Variants in PHLDB2 observed in about 807,000 individuals in gnomAD.
The protein encoded by PHLDB2 is pleckstrin homology like domain family B member 2, also known as pleckstrin homology-like domain family B member 2.
A neutral mutation model predicts 123.6 loss-of-function variants in PHLDB2; 71 were observed. The observed-to-expected ratio is 0.57, with a 90% CI of 0.47 to 0.70. The LOEUF is 0.70. Ranked by LOEUF, PHLDB2 falls within the 30% of genes least tolerant of loss-of-function variation. The probability of loss-of-function intolerance (pLI) is 0.00; values close to 1 mark genes in which losing one functional copy is unlikely to be tolerated. For missense variants in PHLDB2, 1,446 were observed against 1,519.5 expected (o/e 0.95, Z 0.80); for synonymous variants, 547 against 541.6 (o/e 1.01, Z -0.14).
intron 5 of PHLDB2, among the ~76,000 whole-genome samples, chr3:111,930,039 G>A (rs1030869149): frequency 5.3e-5 from 8 of 150,546 alleles, no homozygotes; most frequent in African/African-American, 2.0e-4. Flanking sequence ...AGCCTCCCGA[G>A]TAGCTGGGAC....
intron 1 of PHLDB2, among the ~76,000 whole-genome samples, chr3:111,734,629 G>A (rs1478916357): frequency 6.6e-6 from 1 of 152,100 alleles, no homozygotes; most frequent in Non-Finnish European, 1.5e-5. Flanking sequence ...TCTTCAGATT[G>A]ACTAGATTAG....
chr3:111,949,068 G>C lies in PHLDB2; in HGVS notation c.2624G>C (p.Ser875Thr). The C allele has an allele frequency of 6.2e-7, 1 of 1,613,696 alleles. No homozygotes were observed. Among genetic ancestry groups the C allele is most frequent in the Non-Finnish European group, 8.5e-7 (1 of 1,179,938 alleles). The change falls in exon 10 of 18, where the codon AGT becomes ACT. Residue 875 changes from serine (S) to threonine (T), a missense_variant. By Grantham distance (58) the Ser-to-Thr change is moderately conservative (BLOSUM62 1). Transcript: ENST00000431670. ...ATAVLASQPQ[S>T]KEHFRSLEER... ...GCTGTGCTGGCGAGCCAGCCACAGAGTAAAGAGGTGTGTAGGCATGACGTT... is the reference window on the plus strand; with the variant it reads ...GCTGTGCTGGCGAGCCAGCCACAGACTAAAGAGGTGTGTAGGCATGACGTT...
At chr3:111,792,647 T>A (rs1490623944) in intron 1 of PHLDB2, among the ~76,000 whole-genome samples, 3 of 151,962 alleles carry the variant, frequency 2.0e-5, no homozygotes, top group African/African-American at 7.3e-5. Flanking sequence ...TTTGAAGCTT[T>A]AGTGAGCCCT....
intron 15 of PHLDB2, 88 bp downstream of exon 15, chr3:111,967,912 T>C (rs1158840995): frequency 8.3e-7 from 1 of 1,204,138 alleles, no homozygotes; most frequent in Non-Finnish European, 1.1e-6. Flanking sequence ...GAGGATGCTT[T>C]CCTGGGCACT....
At chr3:111,850,025 C>A (rs1434249847) in intron 2 of PHLDB2, among the ~76,000 whole-genome samples, 2 of 152,032 alleles carry the variant, frequency 1.3e-5, no homozygotes, top group East Asian at 1.9e-4. Flanking sequence ...CCACACCCAG[C>A]TAATTTTTTG....
chr3:111,899,302 G>A (rs9849340), intron 2 of PHLDB2, among the ~76,000 whole-genome samples: 1 of 152,050 alleles, frequency 6.6e-6, no homozygotes, highest in East Asian at 1.9e-4. Context: ...TGGGATACAT[G>A]TGTATAATGT....
At chr3:111,921,719 C>A (rs1210299482) in intron 5 of PHLDB2, among the ~76,000 whole-genome samples, 1 of 151,720 alleles carries the variant, frequency 6.6e-6, no homozygotes, top group Non-Finnish European at 1.5e-5. Context: ...TCTCCTGCCT[C>A]AGCCTCCCAA....
In PHLDB2 at chr3:111,974,485, C is replaced by T; in HGVS notation, c.3684C>T (p.Ala1228=). Residue 1228 remains alanine (A), a synonymous_variant, in exon 18 of 18, where the codon GCC becomes GCT. Transcript: ENST00000431670. The part of the protein sequence containing the change: ...KTHDRIYYMV[A]PSPEAMRIWM... ...ATGACAGAATCTATTATATGGTAGCCCCATCGCCAGAAGCCATGCGGATCT... is the reference window on the plus strand; with the variant it reads ...ATGACAGAATCTATTATATGGTAGCTCCATCGCCAGAAGCCATGCGGATCT... The T allele has an allele frequency of 2.5e-6, 4 of 1,613,562 alleles. No homozygotes were observed. In the East Asian group the frequency reaches 6.7e-5, roughly 27 times the overall value.
chr3:111,859,945 C>G, intron 1 of PHLDB2: 1 of 979,080 alleles, frequency 1.0e-6, no homozygotes, highest in African/African-American at 1.8e-5. Context: ...AAAGCCCGGG[C>G]TGGGGTCGGC....
chr3:111,948,852 A>G (rs1036726173), intron 9 of PHLDB2, 80 bp from the exon 10 acceptor site: 3 of 1,402,456 alleles, frequency 2.1e-6, no homozygotes, highest in African/African-American at 1.4e-5. Context: ...AGCTAACTTC[A>G]TTGTACTGGG....
intron 1 of PHLDB2, among the ~76,000 whole-genome samples, chr3:111,795,166 C>T (rs67286312): frequency 0.22 from 33,628 of 150,290 alleles, 4,029 homozygotes; most frequent in Non-Finnish European, 0.26. Context: ...GAAAGAAGTT[C>T]CTCAACCCTC....
chr3:111,938,412 T>C (rs1437760203), intron 6 of PHLDB2, among the ~76,000 whole-genome samples: 2 of 152,104 alleles, frequency 1.3e-5, no homozygotes, highest in African/African-American at 2.4e-5. Flanking sequence ...TGCTTATCCC[T>C]TTAATAAAAT....
intron 1 of PHLDB2, among the ~76,000 whole-genome samples, chr3:111,845,384 A>G (rs1163384402): frequency 2.3e-5 from 3 of 129,744 alleles, no homozygotes; most frequent in Non-Finnish European, 3.3e-5. Context: ...AAAAAAAAAA[A>G]ACTATGGGAT....
rs201986255 is a variant in PHLDB2 at position 111,885,018 on chromosome 3, A to G, written c.941A>G (p.Tyr314Cys). 7.4e-6 allele frequency: 12 copies of G among 1,614,200 alleles called. No individual in the cohort carries two copies. The highest frequency in any genetic ancestry group is 3.3e-5 in the South Asian group (3 of 91,090). Residue 314 changes from tyrosine to cysteine, a missense_variant, in exon 2 of 18, where the codon TAT becomes TGT. Transcript: ENST00000431670. ...TCTTTGAGCTCAGGGGCTTTACCCT[A>G]TAAAACCTCTGCTTCTGAAGGCAAT... ...FSSLSSGALP[Y>C]KTSASEGNPY... is the part of the protein sequence containing the mutation.
chr3:111,806,638 A>G (rs553723788), intron 1 of PHLDB2, among the ~76,000 whole-genome samples: 1 of 152,118 alleles, frequency 6.6e-6, no homozygotes, highest in East Asian at 1.9e-4. Flanking sequence ...GGCACGAGCC[A>G]GCACACCTGG....
Position 111,824,585 on chromosome 3 carries a change from G to C in PHLDB2, c.-48-21236G>C, listed in dbSNP as rs186387929. ...CAGGAAGCAAGTCTTTCCTACACCAGAAGTGGAAGTAAAAGCATGTAGCCC... is the reference window on the plus strand; with the variant it reads ...CAGGAAGCAAGTCTTTCCTACACCACAAGTGGAAGTAAAAGCATGTAGCCC... On this transcript the variant is annotated intron_variant, in intron 1 of 17. Transcript: ENST00000393923. Among the ~76,000 whole-genome samples, 14 of 152,268 alleles carry C rather than the reference G, an allele frequency of 9.2e-5. No individual in the cohort carries two copies. The East Asian group carries it at 2.7e-3, about 29-fold the overall frequency.
intron 4 of PHLDB2, 127 bp downstream of exon 4, chr3:111,919,342 G>T: frequency 2.1e-6 from 2 of 953,714 alleles, no homozygotes; most frequent in South Asian, 1.6e-5. Flanking sequence ...TTATTCAGTG[G>T]GTTCCCTGTA....
chr3:111,781,991 GTCAAGCAAGGAAAGAATGCCTTATCTCT>G, intron 1 of PHLDB2, among the ~76,000 whole-genome samples: 6 of 151,970 alleles, frequency 3.9e-5, no homozygotes, highest in Non-Finnish European at 8.8e-5. Context: ...TTTGAATTTG[GTCAAGCAAGGAAAGAATGCCTTATCTCT>G]ATTTCCCTCA....
At chr3:111,796,237 C>T (rs536870933) in intron 1 of PHLDB2, among the ~76,000 whole-genome samples, 46 of 152,198 alleles carry the variant, frequency 3.0e-4, no homozygotes, top group African/African-American at 1.1e-3. Flanking sequence ...AATAGAAAAA[C>T]GCCTTTTCAT....
Sources: gnomAD v4.1 joint callset for allele counts (sites outside exome capture counted in the v4.1 genomes callset) on GRCh38, gnomAD v4.1.1 for gene constraint, MANE v1.5 for transcripts, NCBI Gene and HGNC (gene_info 2026-07-23, HGNC 2026-07-21) for gene names.